ROBO2: variants seen among roughly 807,000 people sequenced by gnomAD.
The protein encoded by ROBO2 is roundabout guidance receptor 2.
Under a neutral mutation model 160.8 loss-of-function variants are expected in ROBO2, and 53 were observed. The ratio of observed to expected loss-of-function variants is 0.33; its 90% CI spans 0.26 to 0.41. ROBO2 has a LOEUF of 0.41. Among genes scored for constraint, ROBO2 ranks in the 10% least tolerant of loss-of-function variants. ROBO2 has a pLI of 1.00. For synonymous variants in ROBO2, 664 were observed against 611.7 expected, an observed-to-expected ratio of 1.09 and a Z score of -1.26; for missense variants, 1,577 against 1,722.4, an observed-to-expected ratio of 0.92 and a Z score of 1.49.
intron 1 of ROBO2, among the ~76,000 whole-genome samples, chr3:77,068,790 C>A (rs1012941100): frequency 6.6e-6 from 1 of 152,020 alleles, no homozygotes; most frequent in African/African-American, 2.4e-5. Context: ...TAGTATGTTT[C>A]TAGGCTTCAT....
rs2078148716 is a variant in ROBO2, at chr3:76,462,634, C to T, written c.109+525032C>T. Among the ~76,000 whole-genome samples, 2 of 150,770 alleles carry T rather than the reference C, an allele frequency of 1.3e-5. 1 individual carries two copies. Among genetic ancestry groups the T allele is most frequent in the African/African-American group, 4.9e-5 (2 of 41,064 alleles). On this transcript the variant is annotated intron_variant, in intron 2 of 26. Transcript: ENST00000487694. ...AAAAAAAAAAAAAGAATAAGATACA[C>T]TATAAAGGAAAATACCAGAATGCAT...
At position 77,117,836 on chromosome 3, in the gene ROBO2, T is replaced by C. The variant is rs368369871; in HGVS notation, c.388+19496T>C. On this transcript the variant is annotated intron_variant, in intron 2 of 25. Coordinates refer to ENST00000461745, the Ensembl canonical transcript of ROBO2. ...CTGATGAGCCTACATTTAATATTTATGTGTGCTGTCATAAAAATATTTTTG... is the reference window on the plus strand; with the variant it reads ...CTGATGAGCCTACATTTAATATTTACGTGTGCTGTCATAAAAATATTTTTG... Among the ~76,000 whole-genome samples the C allele has an allele frequency of 6.6e-5, 10 of 152,314 alleles. No homozygotes were observed. In the South Asian group the frequency reaches 1.7e-3, roughly 25 times the overall value.
intron 2 of ROBO2, among the ~76,000 whole-genome samples, chr3:77,462,999 A>G (rs2082398102): frequency 6.6e-6 from 1 of 152,194 alleles, no homozygotes; most frequent in Non-Finnish European, 1.5e-5. Context: ...ACTTGTCCCC[A>G]ATAATTCATA....
chr3:77,431,780 G>A (rs1473616856), intron 2 of ROBO2, among the ~76,000 whole-genome samples: 1 of 152,178 alleles, frequency 6.6e-6, no homozygotes, highest in South Asian at 2.1e-4. Flanking sequence ...AGTGTTGACA[G>A]TGTTAAATCT....
At chr3:76,727,115 C>T (rs962880301) in intron 2 of ROBO2, among the ~76,000 whole-genome samples, 4 of 142,396 alleles carry the variant, frequency 2.8e-5, no homozygotes, top group Admixed American at 1.5e-4. Context: ...GTCATATTTT[C>T]ATTGTCTCAA....
intron 23 of ROBO2, chr3:77,630,923 A>G (rs1280303054): frequency 6.6e-6 from 1 of 150,896 alleles, no homozygotes; most frequent in Non-Finnish European, 1.5e-5. Context: ...AGAGTTTCAT[A>G]TTCTTTTGTG....
At chr3:76,181,958 A>T (rs190584833) in intron 2 of ROBO2, among the ~76,000 whole-genome samples, 1 of 152,264 alleles carries the variant, frequency 6.6e-6, no homozygotes, top group South Asian at 2.1e-4. Context: ...TTATGTATTC[A>T]TATGTCTCTT....
chr3:76,582,377 C>T (rs761686683), intron 2 of ROBO2, among the ~76,000 whole-genome samples: 1 of 152,078 alleles, frequency 6.6e-6, no homozygotes, highest in Non-Finnish European at 1.5e-5. Flanking sequence ...TACCAGGTTA[C>T]ACAGGAGAAT....
chr3:76,994,566 C>T lies in ROBO2; in HGVS notation c.110-103448C>T, dbSNP rs115152977. ...TCATAATCAGAAGAATGGTTAATGACTGATTCAGGATAGCAAGTAAGAAAT... is the reference window on the plus strand; with the variant it reads ...TCATAATCAGAAGAATGGTTAATGATTGATTCAGGATAGCAAGTAAGAAAT... On this transcript the variant is annotated intron_variant, in intron 2 of 26. Coordinates refer to the ROBO2 transcript ENST00000487694. 5.4e-3 allele frequency among the ~76,000 whole-genome samples: 828 copies of T among 152,150 alleles called. 12 individuals are homozygous for T. Among genetic ancestry groups the T allele is most frequent in the African/African-American group, 0.018 (757 of 41,518 alleles).
intron 2 of ROBO2, among the ~76,000 whole-genome samples, chr3:77,116,480 A>G (rs1014795288): frequency 6.6e-6 from 1 of 152,132 alleles, no homozygotes; most frequent in African/African-American, 2.4e-5. Flanking sequence ...ACATGGCTTG[A>G]GAACTGTGTG....
Position 76,269,169 on chromosome 3 carries a change from A to C in ROBO2, c.109+331567A>C, listed in dbSNP as rs756150053. On this transcript the variant is annotated intron_variant, in intron 2 of 26. Coordinates refer to the ROBO2 transcript ENST00000487694. ...AAAAACAACTAAAAGAGTGTAATTG[A>C]AATGTTTGTGACACAAGGTAATGGT... Among the ~76,000 whole-genome samples the C allele has an allele frequency of 2.8e-4, 43 of 152,192 alleles. No homozygotes were observed. The Middle Eastern group carries it at 0.02, about 72-fold the overall frequency.
chr3:76,511,399 G>A (rs1239314876), intron 2 of ROBO2, among the ~76,000 whole-genome samples: 1 of 152,162 alleles, frequency 6.6e-6, no homozygotes, highest in African/African-American at 2.4e-5. Context: ...ACTGGATGAT[G>A]ACTGCAAAAT....
chr3:77,480,321 A>G (rs1415237062), intron 3 of ROBO2, among the ~76,000 whole-genome samples: 3 of 152,018 alleles, frequency 2.0e-5, no homozygotes, highest in African/African-American at 7.2e-5. Flanking sequence ...AAAACTGGAA[A>G]AGAAACTATG....
chr3:77,617,526 A>T (rs1412650383), exon 22 of ROBO2: 1 of 1,614,176 alleles, frequency 6.2e-7, no homozygotes, highest in East Asian at 2.2e-5. Flanking sequence ...TGACAGTGAT[A>T]GCTGGTGCCC....
chr3:77,147,360 A>G (rs1219293335), intron 2 of ROBO2, among the ~76,000 whole-genome samples: 3 of 152,184 alleles, frequency 2.0e-5, no homozygotes, highest in Non-Finnish European at 4.4e-5. Flanking sequence ...TGGAAATTTA[A>G]TGACATGATA....
At chr3:76,736,601 G>C (rs956795544) in intron 2 of ROBO2, among the ~76,000 whole-genome samples, 1 of 152,206 alleles carries the variant, frequency 6.6e-6, no homozygotes, top group Non-Finnish European at 1.5e-5. Flanking sequence ...ATTTCTGGAA[G>C]AGGATCTGCA....
intron 2 of ROBO2, among the ~76,000 whole-genome samples, chr3:76,712,424 C>G (rs187836): frequency 0.37 from 56,378 of 152,004 alleles, 11,552 homozygotes; most frequent in Non-Finnish European, 0.47. Context: ...CCTGTAATCT[C>G]AGCACTTTGG....
intron 2 of ROBO2, among the ~76,000 whole-genome samples, chr3:77,242,375 T>C (rs2089167524): frequency 6.6e-6 from 1 of 152,106 alleles, no homozygotes; most frequent in African/African-American, 2.4e-5. Flanking sequence ...TTTTAACATC[T>C]TCCACTGAAA....
chr3:76,744,433 C>T (rs2093851549), intron 2 of ROBO2, among the ~76,000 whole-genome samples: 1 of 152,068 alleles, frequency 6.6e-6, no homozygotes, highest in Non-Finnish European at 1.5e-5. Flanking sequence ...AATCATAGCT[C>T]ACTACAGCCT....
Sources: gnomAD v4.1 joint callset for allele counts (sites outside exome capture counted in the v4.1 genomes callset) on GRCh38, gnomAD v4.1.1 for gene constraint, MANE v1.5 for transcripts, NCBI Gene and HGNC (gene_info 2026-07-23, HGNC 2026-07-21) for gene names.